The following RNGTT variants were observed in gnomAD, a reference collection of about 807,000 sequenced individuals.
RNGTT encodes mRNA-capping enzyme.
In RNGTT, 33 loss-of-function variants were observed where a neutral mutation model predicts 79.3. The observed-to-expected ratio is 0.42, with a 90% CI of 0.32 to 0.56. RNGTT has a LOEUF of 0.56. Among genes scored for constraint, RNGTT ranks in the 20% least tolerant of loss-of-function variants. The probability of loss-of-function intolerance (pLI) is 0.17; values close to 1 mark genes in which losing one functional copy is unlikely to be tolerated. For missense variants in RNGTT, 497 were observed against 739.1 expected (o/e 0.67, Z 3.80); for synonymous variants, 222 against 235.9 (o/e 0.94, Z 0.54).
intron 5 of RNGTT, among the ~76,000 whole-genome samples, chr6:88,905,574 A>G (rs117857689): frequency 0.028 from 4,197 of 152,340 alleles, 81 homozygotes; most frequent in Non-Finnish European, 0.046. Context: ...ATGCTCCCTC[A>G]GTCAACAAGA....
chr6:88,857,132 G>A (rs1006310603), intron 8 of RNGTT, among the ~76,000 whole-genome samples: 1 of 152,030 alleles, frequency 6.6e-6, no homozygotes, highest in African/African-American at 2.4e-5. Context: ...TAATCTTTCA[G>A]AGCAGTTGCT....
chr6:88,719,607 A>G (rs1776637470), intron 13 of RNGTT, among the ~76,000 whole-genome samples: 1 of 152,214 alleles, frequency 6.6e-6, no homozygotes, highest in Admixed American at 6.5e-5. Flanking sequence ...GAAACTTATG[A>G]AGAGATTGCA....
intron 13 of RNGTT, among the ~76,000 whole-genome samples, chr6:88,701,960 G>A (rs912525073): frequency 2.0e-5 from 3 of 151,788 alleles, no homozygotes; most frequent in Admixed American, 6.6e-5. Context: ...TCTCATTTAC[G>A]ATAGCCACAA....
At chr6:88,749,871 C>A (rs935768042) in intron 13 of RNGTT, among the ~76,000 whole-genome samples, 6 of 152,144 alleles carry the variant, frequency 3.9e-5, no homozygotes, top group African/African-American at 1.4e-4. Context: ...TTCCCTCCAA[C>A]ACCTGTAGGG....
At chr6:88,741,760 T>C (rs1777499524) in intron 13 of RNGTT, among the ~76,000 whole-genome samples, 1 of 152,176 alleles carries the variant, frequency 6.6e-6, no homozygotes, top group East Asian at 1.9e-4. Context: ...AAATTATTAA[T>C]AGTGGTTATA....
At chr6:88,820,602 ACT>A in intron 11 of RNGTT, among the ~76,000 whole-genome samples, 1 of 152,282 alleles carries the variant, frequency 6.6e-6, no homozygotes, top group East Asian at 1.9e-4. Context: ...AATATATAAA[ACT>A]CAATCACTTT....
chr6:88,916,802 T>G (rs1784014347), intron 4 of RNGTT, among the ~76,000 whole-genome samples: 1 of 152,252 alleles, frequency 6.6e-6, no homozygotes, highest in Non-Finnish European at 1.5e-5. Flanking sequence ...CCATCTTGGA[T>G]GCTAATCTGC....
rs148889826 is a variant in RNGTT at position 88,801,629 on chromosome 6, G to C, written c.1273C>G (p.Leu425Val). ...ACTTCTTTGGCAAAATTTCCTTCAA[G>C]TAGCTATAAAATAAATACACATGTA... The part of the protein sequence containing the change: ...FFDICTSRKL[L>V]EGNFAKEVSH... Residue 425 changes from leucine to valine, a missense_variant, in exon 12 of 16, where the codon CTT becomes GTT. Around this residue, in one of 3 missense-constraint regions of RNGTT, gnomAD observed 440 missense variants for 671.5 expected, o/e 0.66. Transcript: ENST00000369485. 10 of 1,602,652 alleles carry C rather than the reference G, an allele frequency of 6.2e-6. No individual in the cohort carries two copies. The highest frequency in any genetic ancestry group is 1.1e-5 in the South Asian group (1 of 90,772).
intron 14 of RNGTT, among the ~76,000 whole-genome samples, chr6:88,674,306 C>T (rs369125537): frequency 6.6e-6 from 1 of 152,028 alleles, no homozygotes; most frequent in East Asian, 1.9e-4. Context: ...CCGGCACTTT[C>T]GGAGGCTGAG....
intron 14 of RNGTT, among the ~76,000 whole-genome samples, chr6:88,672,256 TAC>T (rs558697583): frequency 1.4e-5 from 2 of 143,320 alleles, no homozygotes; most frequent in East Asian, 3.9e-4. Context: ...CACACATATA[TAC>T]ACACACATAT....
At chr6:88,649,711 T>G (rs1260094621) in intron 14 of RNGTT, among the ~76,000 whole-genome samples, 13 of 150,650 alleles carry the variant, frequency 8.6e-5, no homozygotes, top group African/African-American at 2.9e-4. Flanking sequence ...AAAAAAAGGT[T>G]CTAAAAGCCA....
At chr6:88,718,780 A>G (rs1348229410) in intron 13 of RNGTT, among the ~76,000 whole-genome samples, 2 of 152,176 alleles carry the variant, frequency 1.3e-5, no homozygotes, top group East Asian at 3.8e-4. Context: ...CTATCTTCCA[A>G]TTAGGAAAAA....
At chr6:88,736,147 A>G (rs1777276579) in intron 13 of RNGTT, among the ~76,000 whole-genome samples, 1 of 152,106 alleles carries the variant, frequency 6.6e-6, no homozygotes, top group Non-Finnish European at 1.5e-5. Context: ...CAGATAATCT[A>G]ACAAGGCCAA....
chr6:88,814,492 T>C (rs1780252269), intron 11 of RNGTT, among the ~76,000 whole-genome samples: 1 of 152,180 alleles, frequency 6.6e-6, no homozygotes, highest in African/African-American at 2.4e-5. Flanking sequence ...AATATGTCTA[T>C]AATCAAATCA....
At chr6:88,880,118 T>G (rs560528042) in intron 8 of RNGTT, among the ~76,000 whole-genome samples, 1 of 152,252 alleles carries the variant, frequency 6.6e-6, no homozygotes, top group South Asian at 2.1e-4. Context: ...TAAGCAGTCC[T>G]AATCCATGCA....
chr6:88,644,677 G>A (rs1473305502), intron 14 of RNGTT, among the ~76,000 whole-genome samples: 1 of 152,198 alleles, frequency 6.6e-6, no homozygotes, highest in African/African-American at 2.4e-5. Flanking sequence ...CTTCATCCCT[G>A]GGATGCAAGG....
chr6:88,851,015 T>C (rs1781652387), intron 9 of RNGTT, among the ~76,000 whole-genome samples: 1 of 152,026 alleles, frequency 6.6e-6, no homozygotes, highest in African/African-American at 2.4e-5. Flanking sequence ...ATCTTTCATA[T>C]AAGGCTCCCT....
At chr6:88,921,894 G>T (rs1394700928) in intron 4 of RNGTT, among the ~76,000 whole-genome samples, 2 of 152,038 alleles carry the variant, frequency 1.3e-5, no homozygotes, top group African/African-American at 4.8e-5. Flanking sequence ...ACCTAGAGGT[G>T]ATTCAAAGAA....
Position 88,963,441 on chromosome 6 carries a change from A to C in RNGTT, c.-32T>G. ...GGGCTGCGCAGAGCTGCCCTCCCTC[A>C]CCAACGTTCACCGCGCCTTTGGAGC... On this transcript the variant is annotated 5_prime_UTR_variant, in exon 1 of 16. Coordinates refer to ENST00000369485, the MANE Select transcript of RNGTT (RefSeq NM_003800.5). The C allele has an allele frequency of 1.3e-6, 2 of 1,517,598 alleles. No individual in the cohort carries two copies. The highest frequency in any genetic ancestry group is 1.8e-6 in the Non-Finnish European group (2 of 1,128,530). 94.0% of individuals were successfully genotyped at this position (1,517,598 alleles called of 1,614,324 possible). A position where few individuals can be genotyped will look rare whatever the true frequency, so the allele number is the denominator to read the frequency against.
Sources: gnomAD v4.1 joint callset for allele counts (sites outside exome capture counted in the v4.1 genomes callset) on GRCh38, gnomAD v4.1.1 for gene constraint, gnomAD v4.1.1 regional missense constraint, MANE v1.5 for transcripts, NCBI Gene and HGNC (gene_info 2026-07-23, HGNC 2026-07-21) for gene names.